Variants in CNTNAP2 observed in about 807,000 individuals in gnomAD.
CNTNAP2 encodes the protein contactin-associated protein-like 2.
In CNTNAP2, 98 loss-of-function variants were observed where a neutral mutation model predicts 155.2. That is an observed-to-expected ratio of 0.63 (90% CI 0.54 to 0.75). The LOEUF is 0.75. Among genes scored for constraint, CNTNAP2 ranks in the 30% least tolerant of loss-of-function variants. CNTNAP2 has a pLI of 0.00. For missense variants in CNTNAP2, 1,727 were observed against 1,688.1 expected (o/e 1.02, Z -0.40); for synonymous variants, 651 against 631.2 (o/e 1.03, Z -0.47).
At chr7:147,608,642 T>C (rs999914178) in intron 12 of CNTNAP2, among the ~76,000 whole-genome samples, 2 of 152,140 alleles carry the variant, frequency 1.3e-5, no homozygotes, top group Non-Finnish European at 1.5e-5. Flanking sequence ...GGAATCATCA[T>C]TGATGATAAT....
intron 1 of CNTNAP2, among the ~76,000 whole-genome samples, chr7:146,404,616 A>G (rs560745452): frequency 1.3e-5 from 2 of 152,290 alleles, no homozygotes; most frequent in East Asian, 3.9e-4. Context: ...TCTGAGAATA[A>G]AAACCATTCT....
chr7:147,181,989 G>A (rs1266325133), intron 8 of CNTNAP2, among the ~76,000 whole-genome samples: 3 of 151,922 alleles, frequency 2.0e-5, no homozygotes, highest in Non-Finnish European at 4.4e-5. Context: ...GCTGGGCATG[G>A]TGGCATGCAC....
chr7:147,044,161 T>C (rs377060643), intron 4 of CNTNAP2, 107 bp downstream of exon 4: 342 of 1,222,594 alleles, frequency 2.8e-4, no homozygotes, highest in Non-Finnish European at 3.8e-4. Flanking sequence ...GACAATAAAC[T>C]ACCTTCTCAT....
At chr7:146,419,737 A>G (rs1384908084) in intron 1 of CNTNAP2, among the ~76,000 whole-genome samples, 1 of 152,130 alleles carries the variant, frequency 6.6e-6, no homozygotes, top group African/African-American at 2.4e-5. Flanking sequence ...CCCTGTTAAT[A>G]CGGCTTCTAT....
intron 12 of CNTNAP2, among the ~76,000 whole-genome samples, chr7:147,563,126 A>G (rs1800097193): frequency 6.6e-6 from 1 of 152,176 alleles, no homozygotes; most frequent in Non-Finnish European, 1.5e-5. Context: ...CACATGTGTA[A>G]TATTGGGCAC....
At chr7:146,928,490 A>G (rs2129222002) in intron 3 of CNTNAP2, among the ~76,000 whole-genome samples, 1 of 152,276 alleles carries the variant, frequency 6.6e-6, no homozygotes, top group South Asian at 2.1e-4. Flanking sequence ...TCCGGTCTAC[A>G]GCTCCCAGCA....
intron 23 of CNTNAP2, among the ~76,000 whole-genome samples, chr7:148,411,750 A>T (rs1799843316): frequency 6.6e-6 from 1 of 151,830 alleles, no homozygotes; most frequent in African/African-American, 2.4e-5. Context: ...AGTATTTTCC[A>T]AATGAATATC....
chr7:146,335,191 T>A (rs1801253754), intron 1 of CNTNAP2, among the ~76,000 whole-genome samples: 1 of 152,214 alleles, frequency 6.6e-6, no homozygotes, highest in Middle Eastern at 3.2e-3. Flanking sequence ...TCAAAACCTA[T>A]ATGTTGAGAG....
At chr7:146,539,123 C>T (rs1797913183) in intron 1 of CNTNAP2, among the ~76,000 whole-genome samples, 1 of 151,992 alleles carries the variant, frequency 6.6e-6, no homozygotes, top group Non-Finnish European at 1.5e-5. Flanking sequence ...TAAATATTTC[C>T]CTTTACTATA....
chr7:146,841,486 C>G (rs913673574), intron 3 of CNTNAP2, among the ~76,000 whole-genome samples: 6 of 152,044 alleles, frequency 3.9e-5, no homozygotes, highest in Non-Finnish European at 8.8e-5. Flanking sequence ...ACCCAGAGCA[C>G]TCATTATTTT....
At chr7:147,211,300 T>A (rs1803140338) in intron 8 of CNTNAP2, among the ~76,000 whole-genome samples, 1 of 152,074 alleles carries the variant, frequency 6.6e-6, no homozygotes, top group Non-Finnish European at 1.5e-5. Flanking sequence ...GTTTTATGAA[T>A]CTGGGTACTC....
chr7:147,059,678 T>G (rs768439103), intron 4 of CNTNAP2, among the ~76,000 whole-genome samples: 1 of 152,148 alleles, frequency 6.6e-6, no homozygotes, highest in African/African-American at 2.4e-5. Context: ...AAGCAGCATT[T>G]ATTTAGGGTG....
intron 3 of CNTNAP2, among the ~76,000 whole-genome samples, chr7:147,019,922 C>G (rs1798789922): frequency 6.6e-6 from 1 of 151,846 alleles, no homozygotes; most frequent in Admixed American, 6.6e-5. Flanking sequence ...ACAGAAATGT[C>G]CTGGCTATAG....
chr7:146,770,651 A>G (rs866562015), intron 1 of CNTNAP2, among the ~76,000 whole-genome samples: 1 of 151,434 alleles, frequency 6.6e-6, no homozygotes, highest in Non-Finnish European at 1.5e-5. Flanking sequence ...TCAAATTATT[A>G]CTTTAATTTT....
intron 18 of CNTNAP2, among the ~76,000 whole-genome samples, chr7:148,187,199 G>A (rs1476284983): frequency 1.3e-5 from 2 of 151,746 alleles, no homozygotes; most frequent in Non-Finnish European, 2.9e-5. Context: ...ATAAGTCTTA[G>A]ATAACAAGAT....
rs56768185 is a variant in CNTNAP2, at chr7:147,225,742, A to AGAAGGAAGGAAG, written c.1349-74351_1349-74340dup. ...CCAAGTACTTTAAGTTAGGAAGGAAAGAAGGAAGGAAGGAAGGAAGGAAGG... is the reference window on the plus strand; with the variant it reads ...CCAAGTACTTTAAGTTAGGAAGGAAAGAAGGAAGGAAGGAAGGAAGGAAGGAAGGAAGGAAGG... On this transcript the variant is annotated intron_variant, in intron 8 of 23. Transcript: ENST00000361727. Among the ~76,000 whole-genome samples, 387 of 103,844 alleles carry AGAAGGAAGGAAG rather than the reference A, an allele frequency of 3.7e-3. 3 individuals are homozygous for AGAAGGAAGGAAG. Among genetic ancestry groups the AGAAGGAAGGAAG allele is most frequent in the East Asian group, 0.017 (55 of 3,312 alleles). 68.1% of individuals were successfully genotyped at this position (103,844 alleles called of 152,430 possible). A position where few individuals can be genotyped will look rare whatever the true frequency, so the allele number is the denominator to read the frequency against.
At chr7:147,432,531 CATTGGTTATCTAAAATATGCTTCACAAAA>C (rs1342259689) in intron 10 of CNTNAP2, among the ~76,000 whole-genome samples, 1 of 152,180 alleles carries the variant, frequency 6.6e-6, no homozygotes, top group Non-Finnish European at 1.5e-5. Flanking sequence ...TTGTGAGTCT[CATTGGTTATCTAAAATATGCTTCACAAAA>C]TTTGCCCAGC....
chr7:147,141,119 T>C (rs1801584370), intron 8 of CNTNAP2, among the ~76,000 whole-genome samples: 1 of 152,184 alleles, frequency 6.6e-6, no homozygotes. Flanking sequence ...GAAACCTTTC[T>C]ATCTCATTTA....
chr7:147,471,750 A>T (rs1264817356), intron 10 of CNTNAP2, among the ~76,000 whole-genome samples: 1 of 152,226 alleles, frequency 6.6e-6, no homozygotes, highest in Non-Finnish European at 1.5e-5. Flanking sequence ...TGTGTTGAGG[A>T]AACAGACATG....
Sources: allele counts gnomAD v4.1 joint callset (sites outside exome capture counted in the v4.1 genomes callset), GRCh38; gene constraint gnomAD v4.1.1; transcripts MANE v1.5; gene names NCBI Gene and HGNC (gene_info 2026-07-23, HGNC 2026-07-21).